The following AFF3 variants were observed in gnomAD, a reference collection of about 807,000 sequenced individuals.
The protein encoded by AFF3 is ALF transcription elongation factor 3.
AFF3 carries 32 observed loss-of-function variants against 129.7 expected under a neutral mutation model. That is an observed-to-expected ratio of 0.25 (90% CI 0.19 to 0.33). AFF3 has a LOEUF of 0.33. Among genes scored for constraint, AFF3 ranks in the 10% least tolerant of loss-of-function variants. The pLI is 1.00. For missense variants in AFF3, 1,373 were observed against 1,592.0 expected (o/e 0.86, Z 2.34); for synonymous variants, 644 against 635.4 (o/e 1.01, Z -0.20).
At chr2:99,647,684 C>T (rs920629278) in intron 13 of AFF3, among the ~76,000 whole-genome samples, 2 of 152,034 alleles carry the variant, frequency 1.3e-5, no homozygotes, top group African/African-American at 2.4e-5. Context: ...AAAGAAAACA[C>T]ACAGAGAAGG....
intron 7 of AFF3, among the ~76,000 whole-genome samples, chr2:99,892,557 G>A (rs1693650338): frequency 6.6e-6 from 1 of 152,086 alleles, no homozygotes; most frequent in Non-Finnish European, 1.5e-5. Flanking sequence ...GGATGGGGTG[G>A]GGCCTCTGAA....
intron 8 of AFF3, among the ~76,000 whole-genome samples, chr2:99,758,321 C>T (rs1206561135): frequency 6.6e-6 from 1 of 152,162 alleles, no homozygotes; most frequent in Non-Finnish European, 1.5e-5. Flanking sequence ...GTGGCTCATG[C>T]CTGTAATCCC....
At chr2:99,910,266 C>T (rs1296232054) in intron 7 of AFF3, among the ~76,000 whole-genome samples, 7 of 152,042 alleles carry the variant, frequency 4.6e-5, no homozygotes, top group Non-Finnish European at 5.9e-5. Context: ...AACAATTCTC[C>T]CATTATTTAT....
At chr2:99,707,038 C>G in intron 11 of AFF3, 1 of 943,588 alleles carries the variant, frequency 1.1e-6, no homozygotes. Context: ...GGCCATATTC[C>G]CCAGAATGTA....
intron 7 of AFF3, among the ~76,000 whole-genome samples, chr2:99,966,689 CAAAAAAAAAAAAAAAAAAAAAA>C (rs61351679): frequency 5.5e-5 from 2 of 36,684 alleles, no homozygotes; most frequent in Non-Finnish European, 1.1e-4. Context: ...GACTCCGTCT[CAAAAAAAAAAAAAAAAAAAAAA>C]AAAAAAAAAA....
chr2:99,894,540 C>T (rs1184654554), intron 7 of AFF3, among the ~76,000 whole-genome samples: 1 of 151,500 alleles, frequency 6.6e-6, no homozygotes, highest in African/African-American at 2.4e-5. Context: ...GCGATCTCAG[C>T]TCACTGCAAG....
At chr2:99,649,580 A>G in intron 13 of AFF3, 46 bp downstream of exon 13, 1 of 1,591,378 alleles carries the variant, frequency 6.3e-7, no homozygotes. Flanking sequence ...ATAGGGCTCA[A>G]TGTTTCATAA....
intron 13 of AFF3, among the ~76,000 whole-genome samples, chr2:99,647,750 G>A (rs1441655731): frequency 2.0e-5 from 3 of 152,186 alleles, no homozygotes; most frequent in Non-Finnish European, 2.9e-5. Flanking sequence ...ACTTTGAAAT[G>A]ACCAATTCTG....
At chr2:99,817,682 C>G (rs1687349692) in intron 8 of AFF3, among the ~76,000 whole-genome samples, 2 of 152,164 alleles carry the variant, frequency 1.3e-5, no homozygotes, top group Non-Finnish European at 2.9e-5. Flanking sequence ...CCACGGTGCC[C>G]AGCCTGTTGC....
rs542599028 is a variant in AFF3 at position 99,548,748 on chromosome 2, C to CA, written c.*2725dup. ...ACAGAGCCAGACCCGGTCTCAAAACCAACCAAACCAACAACAACAGCAGTA... is the reference window on the plus strand; with the variant it reads ...ACAGAGCCAGACCCGGTCTCAAAACCAAACCAAACCAACAACAACAGCAGTA... On this transcript the variant is annotated 3_prime_UTR_variant, in exon 25 of 25. Transcript: ENST00000672756. 8.9e-4 allele frequency: 204 copies of CA among 230,118 alleles called. No homozygotes were observed. Among genetic ancestry groups the CA allele is most frequent in the South Asian group, 3.6e-3 (20 of 5,496 alleles). The allele number at this position is 230,118 out of a possible 1,614,324, so 14.3% of individuals were successfully genotyped here.
chr2:99,556,817 G>A (rs941182396), intron 22 of AFF3, among the ~76,000 whole-genome samples: 1 of 152,008 alleles, frequency 6.6e-6, no homozygotes, highest in Non-Finnish European at 1.5e-5. Flanking sequence ...AGCGACTTGG[G>A]AGGCTGAGGT....
At chr2:100,046,300 C>T (rs1685827710) in intron 4 of AFF3, among the ~76,000 whole-genome samples, 1 of 152,194 alleles carries the variant, frequency 6.6e-6, no homozygotes, top group Non-Finnish European at 1.5e-5. Flanking sequence ...TCCAGCCCCA[C>T]AGCTAGTCAG....
chr2:100,066,639 C>T (rs1310352618), intron 4 of AFF3, among the ~76,000 whole-genome samples: 1 of 152,018 alleles, frequency 6.6e-6, no homozygotes, highest in East Asian at 1.9e-4. Context: ...CCAGTGAGGT[C>T]CCATTTATTT....
At chr2:99,945,490 C>T (rs936012102) in intron 7 of AFF3, among the ~76,000 whole-genome samples, 23 of 152,164 alleles carry the variant, frequency 1.5e-4, no homozygotes, top group African/African-American at 5.6e-4. Flanking sequence ...CCCTGGGAGT[C>T]ATCAGGTTTG....
intron 4 of AFF3, among the ~76,000 whole-genome samples, chr2:100,024,852 T>A (rs1328930742): frequency 6.6e-6 from 1 of 152,124 alleles, no homozygotes; most frequent in Non-Finnish European, 1.5e-5. Context: ...ACATAAAATG[T>A]GTGTGCATTT....
intron 7 of AFF3, among the ~76,000 whole-genome samples, chr2:99,877,613 A>G (rs7591889): frequency 0.055 from 8,404 of 152,272 alleles, 786 homozygotes; most frequent in African/African-American, 0.19. Context: ...TGTTCACAAA[A>G]CACATGAAGC....
At chr2:99,784,295 C>T (rs1292477459) in intron 8 of AFF3, among the ~76,000 whole-genome samples, 2 of 152,318 alleles carry the variant, frequency 1.3e-5, no homozygotes, top group Middle Eastern at 3.4e-3. Context: ...TCAGCACCCT[C>T]GTGGATGGTC....
At chr2:99,584,062 T>C (rs912881043) in intron 16 of AFF3, among the ~76,000 whole-genome samples, 2 of 152,082 alleles carry the variant, frequency 1.3e-5, no homozygotes, top group Non-Finnish European at 2.9e-5. Flanking sequence ...CTAAATATAA[T>C]ATAGAAAAAT....
chr2:99,622,459 G>C (rs1682115622), intron 13 of AFF3, among the ~76,000 whole-genome samples: 1 of 152,218 alleles, frequency 6.6e-6, no homozygotes, highest in African/African-American at 2.4e-5. Flanking sequence ...AGAGAAGGCA[G>C]AGAGGGAGTG....
Sources: allele counts gnomAD v4.1 joint callset (sites outside exome capture counted in the v4.1 genomes callset), GRCh38; gene constraint gnomAD v4.1.1; transcripts MANE v1.5; gene names NCBI Gene and HGNC (gene_info 2026-07-23, HGNC 2026-07-21).